Variants in ABCA4 observed in about 807,000 individuals in gnomAD.
ABCA4 encodes retinal-specific phospholipid-transporting ATPase ABCA4.
In ABCA4, 196 loss-of-function variants were observed where a neutral mutation model predicts 263.7. The observed-to-expected ratio is 0.74, with a 90% CI of 0.66 to 0.84. ABCA4 has a LOEUF of 0.84. ABCA4 is among the 40% of genes least tolerant of loss of function. The pLI is 0.00. For missense variants in ABCA4, 2,792 were observed against 2,855.1 expected (o/e 0.98, Z 0.50); for synonymous variants, 1,133 against 1,094.2 (o/e 1.04, Z -0.70).
At chr1:94,060,103 C>T (rs1178337251) in intron 14 of ABCA4, among the ~76,000 whole-genome samples, 1 of 152,244 alleles carries the variant, frequency 6.6e-6, no homozygotes, top group African/African-American at 2.4e-5. Context: ...TCCCCTACTG[C>T]TACTGAAAAG....
chr1:94,064,876 T>TA (rs1161585254), intron 11 of ABCA4, among the ~76,000 whole-genome samples: 1 of 151,942 alleles, frequency 6.6e-6, no homozygotes, highest in East Asian at 1.9e-4. Flanking sequence ...GAAGCTAATG[T>TA]AGGGTTTTGA....
At chr1:94,114,651 T>C (rs1006136721) in intron 1 of ABCA4, among the ~76,000 whole-genome samples, 2 of 152,156 alleles carry the variant, frequency 1.3e-5, no homozygotes, top group Admixed American at 6.5e-5. Flanking sequence ...CATGCCCGGC[T>C]AATTTTTTTG....
intron 49 of ABCA4, 75 bp from the exon 50 acceptor site, chr1:93,993,317 C>T: frequency 6.2e-7 from 1 of 1,600,656 alleles, no homozygotes; most frequent in South Asian, 1.1e-5. Context: ...ATTTCAAAAG[C>T]TAAACAGTTG....
chr1:93,999,035 G>C (rs1179095490), intron 47 of ABCA4, among the ~76,000 whole-genome samples: 1 of 150,810 alleles, frequency 6.6e-6, no homozygotes, highest in African/African-American at 2.4e-5. Context: ...ACAGGCATGA[G>C]CCACCACGCC....
In ABCA4 at chr1:94,048,860, G is replaced by A; in HGVS notation, c.2743+8C>T. ...GCCTCTGCTGTGTATTCTTTATCGG[G>A]GTTTTACCGTGTATTCCTTCTGGGT... On this transcript the variant is annotated splice_region_variant and intron_variant, in intron 18 of 49. Coordinates refer to ENST00000370225, the MANE Select transcript of ABCA4 (RefSeq NM_000350.3). 1.2e-6 allele frequency: 2 copies of A among 1,613,792 alleles called. No homozygotes were observed.
intron 30 of ABCA4, among the ~76,000 whole-genome samples, chr1:94,027,013 T>A (rs1008867740): frequency 4.1e-5 from 6 of 146,332 alleles, no homozygotes; most frequent in African/African-American, 5.1e-5. Context: ...AGTGAGAGAG[T>A]GAGAGATAAA....
chr1:94,041,876 AC>A (rs1286816127), intron 22 of ABCA4, among the ~76,000 whole-genome samples: 1 of 152,150 alleles, frequency 6.6e-6, no homozygotes, highest in African/African-American at 2.4e-5. Context: ...CGGGAGGATC[AC>A]CTGAGGTCGG....
At chr1:94,098,625 A>T (rs572118790) in intron 6 of ABCA4, among the ~76,000 whole-genome samples, 169 bp downstream of exon 6, 185 of 152,306 alleles carry the variant, frequency 1.2e-3, no homozygotes, top group African/African-American at 4.3e-3. Flanking sequence ...TCCCTGGGCC[A>T]CTGTTCTAGA....
intron 47 of ABCA4, among the ~76,000 whole-genome samples, chr1:93,999,747 C>T (rs55976354): frequency 1.6e-3 from 249 of 152,298 alleles, no homozygotes; most frequent in African/African-American, 5.6e-3. Flanking sequence ...CCAGAAAACT[C>T]ACCATCCCTC....
intron 24 of ABCA4, 78 bp downstream of exon 24, chr1:94,039,965 C>T: frequency 1.6e-6 from 2 of 1,233,332 alleles, no homozygotes; most frequent in South Asian, 2.6e-5. Context: ...CATTAAAATG[C>T]ATCACAACAG....
intron 35 of ABCA4, 115 bp downstream of exon 35, chr1:94,021,125 C>G: frequency 6.9e-7 from 1 of 1,457,726 alleles, no homozygotes; most frequent in East Asian, 2.3e-5. Flanking sequence ...ATGTGCCTGA[C>G]TAAACAGCAT....
chr1:94,044,072 TCTCCC>T (rs1557778984), intron 20 of ABCA4, among the ~76,000 whole-genome samples: 1 of 4,110 alleles, frequency 2.4e-4, no homozygotes, highest in African/African-American at 3.2e-4. Flanking sequence ...CTCGCTTCCT[TCTCCC>T]CTCCCTCCCT....
At chr1:94,028,769 G>A (rs1660104920) in intron 30 of ABCA4, among the ~76,000 whole-genome samples, 1 of 151,824 alleles carries the variant, frequency 6.6e-6, no homozygotes, top group South Asian at 2.1e-4. Context: ...AATTAGGCGG[G>A]CATGATGGTG....
chr1:94,028,491 T>C (rs1028412173), intron 30 of ABCA4, among the ~76,000 whole-genome samples: 1 of 152,252 alleles, frequency 6.6e-6, no homozygotes, highest in African/African-American at 2.4e-5. Flanking sequence ...ATGGAGAGCT[T>C]CTTAATTAAG....
intron 7 of ABCA4, 116 bp downstream of exon 7, chr1:94,083,236 G>A (rs1175685173): frequency 1.1e-5 from 11 of 971,880 alleles, no homozygotes; most frequent in Non-Finnish European, 1.8e-5. Context: ...TAGATGGAAA[G>A]ATCAAATGTA....
chr1:94,096,601 T>G (rs138821856), intron 6 of ABCA4, among the ~76,000 whole-genome samples: 10 of 152,116 alleles, frequency 6.6e-5, no homozygotes, highest in African/African-American at 2.2e-4. Flanking sequence ...CAAGGCAGCA[T>G]GTGAAGACGT....
At chr1:94,094,370 C>A (rs1327559364) in intron 6 of ABCA4, among the ~76,000 whole-genome samples, 1 of 152,096 alleles carries the variant, frequency 6.6e-6, no homozygotes. Flanking sequence ...AAGATTGGGC[C>A]CTTTTCTTCC....
chr1:94,040,361 C>T lies in ABCA4; in HGVS notation c.3523-234G>A, dbSNP rs72958474. 8.4e-3 allele frequency among the ~76,000 whole-genome samples: 1,273 copies of T among 152,282 alleles called. 20 individuals are homozygous for T. Among genetic ancestry groups the T allele is most frequent in the African/African-American group, 0.029 (1,195 of 41,546 alleles). On this transcript the variant is annotated intron_variant, in intron 23 of 49. Coordinates refer to ENST00000370225, the MANE Select transcript of ABCA4 (RefSeq NM_000350.3). Reference sequence around the variant, plus strand: ...CACACACAGAGAGGAGCAGAACCTCCAAGGGTCCCTTTGGCTTGTCATCAA... The same window carrying T: ...CACACACAGAGAGGAGCAGAACCTCTAAGGGTCCCTTTGGCTTGTCATCAA...
intron 35 of ABCA4, among the ~76,000 whole-genome samples, chr1:94,020,551 A>G (rs1241292646): frequency 2.6e-5 from 4 of 152,220 alleles, no homozygotes; most frequent in African/African-American, 4.8e-5. Flanking sequence ...AACAGAGGAC[A>G]GTCTAGGGCC....
Sources: gnomAD v4.1 joint callset for allele counts (sites outside exome capture counted in the v4.1 genomes callset) on GRCh38, gnomAD v4.1.1 for gene constraint, MANE v1.5 for transcripts, NCBI Gene and HGNC (gene_info 2026-07-23, HGNC 2026-07-21) for gene names.